DSCAM: variants seen among roughly 807,000 people sequenced by gnomAD.
The protein encoded by DSCAM is DS cell adhesion molecule, also known as cell adhesion molecule DSCAM.
In DSCAM, 47 loss-of-function variants were observed where a neutral mutation model predicts 217.7. That is an observed-to-expected ratio of 0.22 (90% confidence interval 0.17 to 0.28). DSCAM has a LOEUF of 0.28. DSCAM is among the 10% of genes least tolerant of loss of function. The pLI, the probability that DSCAM is intolerant of heterozygous loss-of-function variation, is 1.00. For synonymous variants in DSCAM, 1,056 were observed against 1,015.3 expected, an observed-to-expected ratio of 1.04 and a Z score of -0.76; for missense variants, 2,080 against 2,618.3, an observed-to-expected ratio of 0.79 and a Z score of 4.49.
chr21:40,716,174 A>T (rs952153562), intron 1 of DSCAM, among the ~76,000 whole-genome samples: 4 of 152,226 alleles, frequency 2.6e-5, no homozygotes, highest in African/African-American at 9.6e-5. Context: ...TAATAATGTA[A>T]CATAAACTCA....
chr21:40,432,276 G>C lies in DSCAM; in HGVS notation c.509-63031C>G, dbSNP rs1204837903. On this transcript the variant is annotated intron_variant, in intron 3 of 32. Coordinates refer to ENST00000400454, the MANE Select transcript of DSCAM (RefSeq NM_001389.5). ...CTGATAGTCAAAAGGCTAAAATCAA[G>C]GTGTTGGCAAGGCTGTTTTTTCCAG... Among the ~76,000 whole-genome samples, 16 of 150,638 alleles carry C rather than the reference G, an allele frequency of 1.1e-4. No individual in the cohort carries two copies. In the East Asian group the frequency reaches 2.9e-3, roughly 28 times the overall value.
At chr21:40,315,483 G>A (rs2074186386) in intron 8 of DSCAM, among the ~76,000 whole-genome samples, 1 of 151,932 alleles carries the variant, frequency 6.6e-6, no homozygotes, top group Non-Finnish European at 1.5e-5. Context: ...GCATAAGAGA[G>A]TTATAGAATA....
intron 3 of DSCAM, among the ~76,000 whole-genome samples, chr21:40,389,430 A>C (rs1484764895): frequency 1.3e-5 from 2 of 152,214 alleles, no homozygotes; most frequent in African/African-American, 2.4e-5. Flanking sequence ...CATTCCAAAG[A>C]TATCCACTGT....
At chr21:40,162,385 C>T (rs942313913) in intron 16 of DSCAM, among the ~76,000 whole-genome samples, 1 of 152,206 alleles carries the variant, frequency 6.6e-6, no homozygotes, top group African/African-American at 2.4e-5. Flanking sequence ...GAAGGTGCCT[C>T]CAAGACTGCC....
At position 40,353,699 on chromosome 21, in the gene DSCAM, G is replaced by C; in HGVS notation, c.700C>G (p.Arg234Gly). The C allele has an allele frequency of 6.2e-7, 1 of 1,604,778 alleles. No individual in the cohort carries two copies. The highest frequency in any genetic ancestry group is 8.5e-7 in the Non-Finnish European group (1 of 1,177,650). ...APSILDGFDH[R>G]KAMAGQRVEL... is the part of the protein sequence containing the mutation. ...ACACGCTGCCCAGCCATGGCTTTGC[G>C]ATGGTCAAACCCATCCAGTATGGAT... Residue 234 changes from arginine (R) to glycine (G), a missense_variant, in exon 5 of 33, where the codon CGC (arginine) becomes GGC (glycine). Coordinates refer to ENST00000400454, the MANE Select transcript of DSCAM (RefSeq NM_001389.5).
At chr21:40,072,956 G>C (rs1399168811) in intron 27 of DSCAM, among the ~76,000 whole-genome samples, 1 of 152,150 alleles carries the variant, frequency 6.6e-6, no homozygotes, top group Non-Finnish European at 1.5e-5. Flanking sequence ...TGGAAGCAGG[G>C]AGGCCAACAA....
At chr21:40,605,858 T>C (rs1851934289) in intron 3 of DSCAM, among the ~76,000 whole-genome samples, 1 of 137,954 alleles carries the variant, frequency 7.2e-6, no homozygotes, top group Admixed American at 8.3e-5. Flanking sequence ...TGGAATGCAG[T>C]GGTGCAGTCT....
chr21:40,608,905 C>A (rs1372132210), intron 3 of DSCAM, among the ~76,000 whole-genome samples: 2 of 152,212 alleles, frequency 1.3e-5, no homozygotes, highest in East Asian at 3.9e-4. Flanking sequence ...TTTGCAAGTT[C>A]TTTCTGGGTA....
intron 3 of DSCAM, among the ~76,000 whole-genome samples, chr21:40,555,614 T>C (rs1230673234): frequency 6.6e-6 from 1 of 152,184 alleles, no homozygotes; most frequent in Non-Finnish European, 1.5e-5. Context: ...TTTGTCAAAT[T>C]TCAAACCAAC....
chr21:40,647,775 G>C (rs1220584639), intron 3 of DSCAM, among the ~76,000 whole-genome samples: 1 of 152,108 alleles, frequency 6.6e-6, no homozygotes, highest in African/African-American at 2.4e-5. Flanking sequence ...GAAACCCTAG[G>C]ACCTTTCAAC....
intron 11 of DSCAM, among the ~76,000 whole-genome samples, chr21:40,210,866 C>T (rs1487461766): frequency 6.6e-6 from 1 of 152,172 alleles, no homozygotes; most frequent in Non-Finnish European, 1.5e-5. Flanking sequence ...TTTTAACCCA[C>T]ATTCATTTGT....
chr21:40,831,968 A>T (rs1028190352), intron 1 of DSCAM, among the ~76,000 whole-genome samples: 1 of 152,234 alleles, frequency 6.6e-6, no homozygotes, highest in Non-Finnish European at 1.5e-5. Flanking sequence ...ATGTGGCTTG[A>T]TTTGGGAGAA....
intron 11 of DSCAM, among the ~76,000 whole-genome samples, chr21:40,250,391 G>C (rs1280376273): frequency 6.6e-6 from 1 of 152,196 alleles, no homozygotes; most frequent in Non-Finnish European, 1.5e-5. Flanking sequence ...CATAAAGTAA[G>C]AGTGTATATA....
chr21:40,671,217 GCA>G (rs1352817552), intron 3 of DSCAM, among the ~76,000 whole-genome samples: 7 of 152,144 alleles, frequency 4.6e-5, no homozygotes, highest in Non-Finnish European at 7.3e-5. Context: ...GAAAATCCAT[GCA>G]CAGTTTTAAA....
intron 1 of DSCAM, among the ~76,000 whole-genome samples, chr21:40,833,403 T>C (rs1015482977): frequency 2.6e-5 from 4 of 151,814 alleles, no homozygotes; most frequent in Non-Finnish European, 2.9e-5. Flanking sequence ...AAAACAGGCC[T>C]CCGCCAGCCG....
intron 3 of DSCAM, among the ~76,000 whole-genome samples, chr21:40,482,640 C>T (rs547147777): frequency 6.6e-6 from 1 of 152,254 alleles, no homozygotes; most frequent in Admixed American, 6.5e-5. Flanking sequence ...AGAATTAGAG[C>T]AAAAGGTAAC....
intron 3 of DSCAM, among the ~76,000 whole-genome samples, chr21:40,670,239 C>T (rs1441558135): frequency 6.6e-6 from 1 of 152,140 alleles, no homozygotes; most frequent in Non-Finnish European, 1.5e-5. Flanking sequence ...ATTGTTAACT[C>T]GGTACTTATT....
At chr21:40,405,547 C>T (rs543985379) in intron 3 of DSCAM, among the ~76,000 whole-genome samples, 17 of 152,198 alleles carry the variant, frequency 1.1e-4, no homozygotes, top group African/African-American at 3.9e-4. Context: ...AAGGAAATAA[C>T]CAACAGCATG....
chr21:40,128,934 G>A (rs1390480107), intron 19 of DSCAM, among the ~76,000 whole-genome samples: 1 of 152,160 alleles, frequency 6.6e-6, no homozygotes, highest in Non-Finnish European at 1.5e-5. Flanking sequence ...AAATACAAGT[G>A]GGTAAGCCCT....
Sources: gnomAD v4.1 joint callset for allele counts (sites outside exome capture counted in the v4.1 genomes callset) on GRCh38, gnomAD v4.1.1 for gene constraint, MANE v1.5 for transcripts, NCBI Gene and HGNC (gene_info 2026-07-23, HGNC 2026-07-21) for gene names.